The following SBK2 variants were observed in gnomAD, a reference collection of about 807,000 sequenced individuals.
SBK2 encodes the protein SH3 domain binding kinase family member 2.
A neutral mutation model predicts 15.9 loss-of-function variants in SBK2; 18 were observed. That is an observed-to-expected ratio of 1.13 (90% CI 0.78 to 1.68). SBK2 has a LOEUF of 1.68. Ranked by LOEUF, SBK2 falls within the 40% of genes most tolerant of loss-of-function variation. The pLI is 0.00. For synonymous variants in SBK2, 284 were observed against 246.8 expected (o/e 1.15, Z -1.41); for missense variants, 581 against 510.9 (o/e 1.14, Z -1.32).
intron 3 of SBK2, 29 bp downstream of exon 3, chr19:55,531,114 C>T (rs1453334280): frequency 1.3e-5 from 21 of 1,596,498 alleles, no homozygotes; most frequent in Admixed American, 1.7e-5. Flanking sequence ...GTGAGGCACT[C>T]GGAGGCGGCC....
rs1264260555 is a variant in SBK2, at chr19:55,530,313, G to A, written c.467C>T (p.Pro156Leu). The change falls in exon 4 of 4, where the codon CCG (proline) becomes CTG (leucine). Residue 156 changes from proline to leucine, a missense_variant. By Grantham distance (98) the Pro-to-Leu change is moderately conservative. Coordinates refer to ENST00000413299, the MANE Select transcript of SBK2 (RefSeq NM_001370096.2). Reference protein sequence around the residue: ...MAFIQPKVGLPQPAVHRCAAQ... With the variant: ...MAFIQPKVGLLQPAVHRCAAQ... The stretch of plus-strand genomic sequence containing the variant: ...GGCGCAGCGGTGCACCGCGGGCTGC[G>A]GGAGGCCCACCTGCGGGGAGAGGGG... 6 of 1,409,958 alleles carry A rather than the reference G, an allele frequency of 4.3e-6. No homozygotes were observed. In the East Asian group the frequency reaches 1.7e-4, roughly 39 times the overall value. The allele number at this position is 1,409,958 out of a possible 1,614,324, so 87.3% of individuals were successfully genotyped here. A position where few individuals can be genotyped will look rare whatever the true frequency, so the allele number is the denominator to read the frequency against.
Position 55,530,008 on chromosome 19 carries a change from TGAG to T in SBK2, c.769_771del (p.Leu257del). ...GGCCGGTCCCAGGGGAAGTAGCCCG[TGAG>T]GAGGCAGAAGAGCAGGACGCCCAGC... On this transcript the variant is annotated inframe_deletion, in exon 4 of 4. Transcript: ENST00000413299. 1 of 1,519,214 alleles carries T rather than the reference TGAG, an allele frequency of 6.6e-7. No individual in the cohort carries two copies. Among genetic ancestry groups the T allele is most frequent in the Non-Finnish European group, 8.8e-7 (1 of 1,135,982 alleles). The allele number at this position is 1,519,214 out of a possible 1,614,324, so 94.1% of individuals were successfully genotyped here.
rs373028408 is a variant in SBK2 at position 55,531,504 on chromosome 19, A to G, written c.254-159T>C. On this transcript the variant is annotated intron_variant, in intron 2 of 3. Coordinates refer to ENST00000413299, the MANE Select transcript of SBK2 (RefSeq NM_001370096.2). ...CAACTCCCACCTCCCTCCTGAGCCC[A>G]TCCTAACAGCATGGCCACCCAAGCA... Among the ~76,000 whole-genome samples the G allele has an allele frequency of 2.6e-5, 4 of 152,248 alleles. 1 individual carries two copies. Among genetic ancestry groups the G allele is most frequent in the African/African-American group, 9.6e-5 (4 of 41,546 alleles).
chr19:55,534,708 AAAAAAAAAAAAAG>A (rs1382770947), intron 2 of SBK2, among the ~76,000 whole-genome samples: 1 of 146,630 alleles, frequency 6.8e-6, no homozygotes, highest in Non-Finnish European at 1.5e-5. Context: ...CTGTCTCAAA[AAAAAAAAAAAAAG>A]AAAAAAAAAG....
At chr19:55,533,219 T>C (rs1988313328) in intron 2 of SBK2, among the ~76,000 whole-genome samples, 1 of 151,834 alleles carries the variant, frequency 6.6e-6, no homozygotes, top group Non-Finnish European at 1.5e-5. Flanking sequence ...TAATCCCAGC[T>C]ACTCGGAAGG....
intron 2 of SBK2, among the ~76,000 whole-genome samples, chr19:55,534,154 A>G (rs1183154586): frequency 1.3e-5 from 2 of 152,068 alleles, no homozygotes; most frequent in African/African-American, 2.4e-5. Context: ...TAACCCCCCC[A>G]GTGCTGAATG....
At position 55,530,135 on chromosome 19, in the gene SBK2, G is replaced by T; in HGVS notation, c.645C>A (p.Arg215=). The change falls in exon 4 of 4, where the codon CGC becomes CGA. Residue 215 remains arginine, a synonymous_variant. Transcript: ENST00000413299. The part of the protein sequence containing the change: ...GHTRPRGTLL[R]LAGPPIPYTA... ...TGTAGGGGATGGGCGGCCCGGCCAG[G>T]CGCAGCAGCGTCCCGCGAGGCCTCG... 3.4e-6 allele frequency: 5 copies of T among 1,483,628 alleles called. No homozygotes were observed. Among genetic ancestry groups the T allele is most frequent in the Non-Finnish European group, 8.9e-7 (1 of 1,120,296 alleles). The allele number at this position is 1,483,628 out of a possible 1,614,324, so 91.9% of individuals were successfully genotyped here. A position where few individuals can be genotyped will look rare whatever the true frequency, so the allele number is the denominator to read the frequency against.
At chr19:55,533,654 C>T (rs12981721) in intron 2 of SBK2, among the ~76,000 whole-genome samples, 24,618 of 30,346 alleles carry the variant, frequency 0.81, 10,290 homozygotes, top group Non-Finnish European at 0.83. Flanking sequence ...AGCGAGACTC[C>T]GTCTCAAAAA....
Position 55,529,808 on chromosome 19 carries a change from G to A in SBK2, c.972C>T (p.His324=), listed in dbSNP as rs772034475. 2.5e-6 allele frequency: 4 copies of A among 1,604,572 alleles called. No homozygotes were observed. The Admixed American group carries it at 5.0e-5, about 20-fold the overall frequency. Residue 324 remains histidine (H), a synonymous_variant, in exon 4 of 4, where the codon CAC becomes CAT. Coordinates refer to ENST00000413299, the MANE Select transcript of SBK2 (RefSeq NM_001370096.2). The part of the protein sequence containing the change: ...RRSAVIAIRE[H]LGRPWRQREG... ...CCCGCTGCCTCCAGGGGCGCCCCAGGTGCTCCCTGATGGCGATCACAGCGC... is the reference window on the plus strand; with the variant it reads ...CCCGCTGCCTCCAGGGGCGCCCCAGATGCTCCCTGATGGCGATCACAGCGC...
In SBK2 at chr19:55,529,530, C is replaced by T. The variant is rs369457124; in HGVS notation, c.*203G>A. 7.2e-4 allele frequency among the ~76,000 whole-genome samples: 110 copies of T among 151,994 alleles called. 1 individual carries two copies. The South Asian group carries it at 0.022, about 30-fold the overall frequency. The stretch of plus-strand genomic sequence containing the variant: ...AGGTCTGAGACCCTGGGGAAGGTGG[C>T]GGCAGGTATGGAGGGACATGCAGAG... On this transcript the variant is annotated 3_prime_UTR_variant, in exon 4 of 4. Transcript: ENST00000413299.
At chr19:55,531,023 G>A (rs1568491399) in intron 3 of SBK2, 120 bp downstream of exon 3, 11 of 876,778 alleles carry the variant, frequency 1.3e-5, no homozygotes, top group Admixed American at 2.1e-5. Flanking sequence ...GCCTCCGGGG[G>A]GTAGGGGAGG....
rs2123474858 is a variant in SBK2, at chr19:55,530,102, G to C, written c.678C>G (p.Pro226=). ...LAGPPIPYTA[P]ELCAPPPLPE... is the part of the protein sequence containing the mutation. ...GGAGCGGCGGGGGCGCGCAGAGCTC[G>C]GGGGCCGTGTAGGGGATGGGCGGCC... The change falls in exon 4 of 4, where the codon CCC becomes CCG. Residue 226 remains proline, a synonymous_variant. Coordinates refer to ENST00000413299, the MANE Select transcript of SBK2 (RefSeq NM_001370096.2). 1.4e-6 allele frequency: 2 copies of C among 1,450,854 alleles called. No homozygotes were observed. The highest frequency in any genetic ancestry group is 1.5e-5 in the African/African-American group (1 of 67,562). 89.9% of individuals were successfully genotyped at this position (1,450,854 alleles called of 1,614,324 possible). A position where few individuals can be genotyped will look rare whatever the true frequency, so the allele number is the denominator to read the frequency against.
At position 55,533,659 on chromosome 19, in the gene SBK2, CAAAAAAAAAAAAAAAAAAAAAAAAA is replaced by C; in HGVS notation, c.254-2339_254-2315del. ...TGGGCGACAGAGCGAGACTCCGTCT[CAAAAAAAAAAAAAAAAAAAAAAAAA>C]AAAAAAAAAAAAAAGAAAAAGTTCC... On this transcript the variant is annotated intron_variant, in intron 2 of 3. Transcript: ENST00000413299. 1.4e-3 allele frequency among the ~76,000 whole-genome samples: 48 copies of C among 33,890 alleles called. 6 individuals carry two copies. Among genetic ancestry groups the C allele is most frequent in the Non-Finnish European group, 1.7e-3 (37 of 22,050 alleles). The allele number at this position is 33,890 out of a possible 152,430, so 22.2% of individuals were successfully genotyped here.
At chr19:55,530,508 GTGT>G (rs1227713660) in intron 3 of SBK2, among the ~76,000 whole-genome samples, 185 bp from the exon 4 acceptor site, 16 of 8,610 alleles carry the variant, frequency 1.9e-3, no homozygotes, top group East Asian at 5.2e-3. Flanking sequence ...GTGAGGCCTA[GTGT>G]GACCTGTGAG....
intron 3 of SBK2, among the ~76,000 whole-genome samples, chr19:55,530,749 A>G: frequency 2.4e-4 from 1 of 4,126 alleles, no homozygotes; most frequent in African/African-American, 3.6e-4. Flanking sequence ...AGTGTGGCTT[A>G]GTGTGACCCG....
Position 55,536,303 on chromosome 19 carries a change from G to C in SBK2, c.-2-7C>G. ...GACTGTTTGCCGGGCATCTCTGCGA[G>C]AACAGAGAGGGGTGCCCAGGCTCAG... On this transcript the variant is annotated splice_polypyrimidine_tract_variant and splice_region_variant and intron_variant, in intron 1 of 3. Transcript: ENST00000413299. 6.6e-7 allele frequency: 1 copy of C among 1,511,610 alleles called. No individual in the cohort carries two copies. The highest frequency in any genetic ancestry group is 8.8e-7 in the Non-Finnish European group (1 of 1,135,630). 93.6% of individuals were successfully genotyped at this position (1,511,610 alleles called of 1,614,324 possible). A position where few individuals can be genotyped will look rare whatever the true frequency, so the allele number is the denominator to read the frequency against.
rs540306198 is a variant in SBK2 at position 55,530,173 on chromosome 19, C to T, written c.607G>A (p.Asp203Asn). ...CCGCGAGGCCTCGTGTGGCCGAAGT[C>T]GGTCAGCTTGAAGCGCCGGCAGGCC... ...DPACRRFKLT[D>N]FGHTRPRGTL... The change falls in exon 4 of 4, where the codon GAC (aspartate) becomes AAC (asparagine). Residue 203 changes from aspartate (D) to asparagine (N), a missense_variant. By Grantham distance (23) the Asp-to-Asn change is conservative (BLOSUM62 1). Coordinates refer to ENST00000413299, the MANE Select transcript of SBK2 (RefSeq NM_001370096.2). The T allele has an allele frequency of 6.3e-5, 97 of 1,527,726 alleles. No individual in the cohort carries two copies. The highest frequency in any genetic ancestry group is 1.7e-4 in the Middle Eastern group (1 of 5,880). 94.6% of individuals were successfully genotyped at this position (1,527,726 alleles called of 1,614,324 possible). A position where few individuals can be genotyped will look rare whatever the true frequency, so the allele number is the denominator to read the frequency against.
chr19:55,531,073 C>G lies in SBK2; in HGVS notation c.456+70G>C, dbSNP rs150074623. On this transcript the variant is annotated intron_variant, in intron 3 of 3. Transcript: ENST00000413299. Reference sequence around the variant, plus strand: ...ACGCAGTGGCTGTGGCTCCTGCGGCCCAGGCTGCTCAGGACGTTCCTGGGA... The same window carrying G: ...ACGCAGTGGCTGTGGCTCCTGCGGCGCAGGCTGCTCAGGACGTTCCTGGGA... The G allele has an allele frequency of 3.3e-4, 472 of 1,451,114 alleles. 1 individual carries two copies. In the African/African-American group the frequency reaches 5.7e-3, roughly 18 times the overall value. 89.9% of individuals were successfully genotyped at this position (1,451,114 alleles called of 1,614,324 possible). A position where few individuals can be genotyped will look rare whatever the true frequency, so the allele number is the denominator to read the frequency against.
intron 1 of SBK2, among the ~76,000 whole-genome samples, chr19:55,536,846 C>G (rs1988421385): frequency 6.6e-6 from 1 of 151,488 alleles, no homozygotes; most frequent in African/African-American, 2.4e-5. Context: ...CACCTCTCTC[C>G]CGGAACCTCA....
Sources: gnomAD v4.1 joint callset for allele counts (sites outside exome capture counted in the v4.1 genomes callset) on GRCh38, gnomAD v4.1.1 for gene constraint, MANE v1.5 for transcripts, NCBI Gene and HGNC (gene_info 2026-07-23, HGNC 2026-07-21) for gene names.